Variants in XKR4 observed in about 807,000 individuals in gnomAD.
XKR4 encodes the protein XK related 4.
XKR4 carries 12 observed loss-of-function variants against 53.9 expected under a neutral mutation model. That is an observed-to-expected ratio of 0.22 (90% CI 0.14 to 0.36). XKR4 has a LOEUF of 0.36. Ranked by LOEUF, XKR4 falls within the 10% of genes least tolerant of loss-of-function variation. XKR4 has a pLI of 1.00. For synonymous variants in XKR4, 354 were observed against 362.4 expected (o/e 0.98, Z 0.26); for missense variants, 799 against 859.5 (o/e 0.93, Z 0.88).
intron 2 of XKR4, among the ~76,000 whole-genome samples, chr8:55,487,739 G>T (rs565109698): frequency 2.0e-5 from 3 of 152,282 alleles, no homozygotes; most frequent in South Asian, 4.1e-4. Flanking sequence ...AAAGTGCTGG[G>T]ATTGATTACA....
At chr8:55,191,694 T>C (rs1026308332) in intron 1 of XKR4, among the ~76,000 whole-genome samples, 1 of 151,980 alleles carries the variant, frequency 6.6e-6, no homozygotes, top group African/African-American at 2.4e-5. Flanking sequence ...TCTTTTTTTT[T>C]TTTTTGGGAG....
chr8:55,142,932 C>T (rs1012041760), intron 1 of XKR4, among the ~76,000 whole-genome samples: 4 of 152,190 alleles, frequency 2.6e-5, no homozygotes, highest in Non-Finnish European at 5.9e-5. Flanking sequence ...TGCTAGGCAG[C>T]GGTCCCTTGT....
rs1807103604 is a variant in XKR4 at position 55,541,718 on chromosome 8, T to C, written c.*17491T>C. 1 of 152,220 alleles carries C rather than the reference T, an allele frequency of 6.6e-6. No individual in the cohort carries two copies. The highest frequency in any genetic ancestry group is 6.5e-5 in the Admixed American group (1 of 15,284). The allele number at this position is 152,220 out of a possible 1,614,324, so 9.4% of individuals were successfully genotyped here. ...AATGTATTTGGAATTTTATTTGAAA[T>C]GGAGACTTAAACTAGTTATTAAATT... On this transcript the variant is annotated 3_prime_UTR_variant, in exon 3 of 3. Transcript: ENST00000327381.
chr8:55,272,976 T>C (rs1818713453), intron 1 of XKR4: 1 of 436,684 alleles, frequency 2.3e-6, no homozygotes, highest in Admixed American at 2.6e-5. Flanking sequence ...AACTGAATTT[T>C]CAACAAAAGT....
chr8:55,475,074 C>A (rs1207040387), intron 2 of XKR4, among the ~76,000 whole-genome samples: 1 of 152,004 alleles, frequency 6.6e-6, no homozygotes, highest in Non-Finnish European at 1.5e-5. Context: ...TAAATACATG[C>A]AAAATAATAC....
intron 1 of XKR4, chr8:55,135,411 ATTTG>A (rs1816611706): frequency 3.1e-6 from 1 of 322,320 alleles, no homozygotes; most frequent in Middle Eastern, 4.5e-4. Context: ...TGCAATATAT[ATTTG>A]TTGGATGTTG....
rs578168328 is a variant in XKR4, at chr8:55,214,279, A to T, written c.806+110985A>T. 1.4e-3 allele frequency among the ~76,000 whole-genome samples: 210 copies of T among 152,356 alleles called. 3 individuals are homozygous for T. Among genetic ancestry groups the T allele is most frequent in the Non-Finnish European group, 1.8e-3 (124 of 68,032 alleles). Reference sequence around the variant, plus strand: ...TGGTACCTGTATGCATATTGTGAATAAAAATGCTAGATCGTAAACATGCTG... The same window carrying T: ...TGGTACCTGTATGCATATTGTGAATTAAAATGCTAGATCGTAAACATGCTG... On this transcript the variant is annotated intron_variant, in intron 1 of 2. Coordinates refer to ENST00000327381, the MANE Select transcript of XKR4 (RefSeq NM_052898.2).
chr8:55,143,618 G>T (rs531675201), intron 1 of XKR4, among the ~76,000 whole-genome samples: 2 of 152,094 alleles, frequency 1.3e-5, no homozygotes, highest in Non-Finnish European at 2.9e-5. Flanking sequence ...ATAATTTTTC[G>T]ATTAAAAGGG....
chr8:55,494,289 G>A (rs1042784896), intron 2 of XKR4, among the ~76,000 whole-genome samples: 1 of 152,238 alleles, frequency 6.6e-6, no homozygotes, highest in Non-Finnish European at 1.5e-5. Context: ...GGAGATGCCA[G>A]GAACCACAGG....
chr8:55,438,398 C>A (rs1805209810), intron 2 of XKR4, among the ~76,000 whole-genome samples: 1 of 151,618 alleles, frequency 6.6e-6, no homozygotes, highest in African/African-American at 2.4e-5. Flanking sequence ...CCAGCCTGGC[C>A]AACATGGTGA....
chr8:55,154,881 A>T (rs1473184581), intron 1 of XKR4, among the ~76,000 whole-genome samples: 1 of 152,332 alleles, frequency 6.6e-6, no homozygotes, highest in East Asian at 1.9e-4. Context: ...GTATGTATTG[A>T]CTGGGAAGGA....
intron 2 of XKR4, among the ~76,000 whole-genome samples, chr8:55,409,557 A>T (rs1452737868): frequency 7.3e-6 from 1 of 136,374 alleles, no homozygotes; most frequent in South Asian, 2.6e-4. Flanking sequence ...TCAGTGGAAC[A>T]TGAAACAGTT....
intron 2 of XKR4, among the ~76,000 whole-genome samples, chr8:55,493,393 A>G (rs1806298259): frequency 6.6e-6 from 1 of 152,146 alleles, no homozygotes; most frequent in Non-Finnish European, 1.5e-5. Context: ...TGCTGGCACT[A>G]TTGCAATAGT....
At chr8:55,454,611 C>A in intron 2 of XKR4, 2 of 1,310,964 alleles carry the variant, frequency 1.5e-6, no homozygotes, top group Admixed American at 1.9e-5. Flanking sequence ...CCAAATAAAT[C>A]GTCCTCTACT....
chr8:55,184,641 C>T lies in XKR4; in HGVS notation c.806+81347C>T, dbSNP rs185854500. Among the ~76,000 whole-genome samples the T allele has an allele frequency of 6.2e-3, 947 of 152,294 alleles. 10 individuals are homozygous for T. Among genetic ancestry groups the T allele is most frequent in the African/African-American group, 0.021 (860 of 41,568 alleles). On this transcript the variant is annotated intron_variant, in intron 1 of 2. Coordinates refer to ENST00000327381, the MANE Select transcript of XKR4 (RefSeq NM_052898.2). ...CTTCTTTGGAAACAAACTTCGTATA[C>T]ATCTCTGTGCCACGCTGGGTTTCAC...
Position 55,129,317 on chromosome 8 carries a change from A to G in XKR4, c.806+26023A>G, listed in dbSNP as rs190756000. ...ACTTCTTTCCTGTAGGCAAATTCCA[A>G]TGAAAAAAATTCTCCTATCCGTTCT... On this transcript the variant is annotated intron_variant, in intron 1 of 2. Transcript: ENST00000327381. Among the ~76,000 whole-genome samples, 7 of 152,332 alleles carry G rather than the reference A, an allele frequency of 4.6e-5. No individual in the cohort carries two copies. The South Asian group carries it at 6.2e-4, about 14-fold the overall frequency.
At chr8:55,356,537 A>G (rs1401397917) in intron 1 of XKR4, among the ~76,000 whole-genome samples, 2 of 152,356 alleles carry the variant, frequency 1.3e-5, no homozygotes, top group South Asian at 2.1e-4. Context: ...AACTTAAAAA[A>G]TTGTGATAAT....
chr8:55,302,536 G>A (rs1819217788), intron 1 of XKR4, among the ~76,000 whole-genome samples: 1 of 152,166 alleles, frequency 6.6e-6, no homozygotes, highest in Admixed American at 6.5e-5. Flanking sequence ...TGTGAAGAAA[G>A]TCATTGGTAG....
chr8:55,310,365 G>A (rs921233785), intron 1 of XKR4, among the ~76,000 whole-genome samples: 7 of 152,024 alleles, frequency 4.6e-5, no homozygotes, highest in Non-Finnish European at 1.0e-4. Flanking sequence ...TCTATAAAAT[G>A]GGAAAAATAA....
Sources: allele counts gnomAD v4.1 joint callset (sites outside exome capture counted in the v4.1 genomes callset), GRCh38; gene constraint gnomAD v4.1.1; transcripts MANE v1.5; gene names NCBI Gene and HGNC (gene_info 2026-07-23, HGNC 2026-07-21).